FRMD4A: variants seen among roughly 807,000 people sequenced by gnomAD.
The protein encoded by FRMD4A is FERM domain-containing protein 4A.
Under a neutral mutation model 129.1 loss-of-function variants are expected in FRMD4A, and 29 were observed. That is an observed-to-expected ratio of 0.22 (90% CI 0.17 to 0.31). The LOEUF is 0.31. FRMD4A is among the 10% of genes least tolerant of loss of function. The probability of loss-of-function intolerance (pLI) is 1.00; values close to 1 mark genes in which losing one functional copy is unlikely to be tolerated. For missense variants in FRMD4A, 1,272 were observed against 1,375.8 expected, an observed-to-expected ratio of 0.92 and a Z score of 1.19; for synonymous variants, 634 against 571.6, an observed-to-expected ratio of 1.11 and a Z score of -1.56.
At chr10:13,684,827 G>C in intron 15 of FRMD4A, 1 of 979,282 alleles carries the variant, frequency 1.0e-6, no homozygotes, top group Non-Finnish European at 1.2e-6. Flanking sequence ...GGTTGTTCTA[G>C]AACTAAAGAA....
chr10:13,950,220 G>A (rs1197841615), intron 2 of FRMD4A, among the ~76,000 whole-genome samples: 1 of 152,002 alleles, frequency 6.6e-6, no homozygotes, highest in African/African-American at 2.4e-5. Context: ...GGCAGGCGGA[G>A]GCAAAAAAAG....
In FRMD4A at chr10:13,756,234, T is replaced by A. The variant is rs558815788; in HGVS notation, c.464+5413A>T. 3.9e-5 allele frequency: 6 copies of A among 152,374 alleles called. No individual in the cohort carries two copies. In the East Asian group the frequency reaches 1.2e-3, roughly 29 times the overall value. 9.4% of individuals were successfully genotyped at this position (152,374 alleles called of 1,614,324 possible). A position where few individuals can be genotyped will look rare whatever the true frequency, so the allele number is the denominator to read the frequency against. On this transcript the variant is annotated intron_variant, in intron 8 of 24. Transcript: ENST00000357447. ...CTATAGAACAGATGTTTTTTACTTGTCTCTGTTAATGTATGGACGATTCTT... is the reference window on the plus strand; with the variant it reads ...CTATAGAACAGATGTTTTTTACTTGACTCTGTTAATGTATGGACGATTCTT...
At chr10:14,315,484 T>G (rs561111636) in intron 2 of FRMD4A, among the ~76,000 whole-genome samples, 149 of 152,328 alleles carry the variant, frequency 9.8e-4, no homozygotes, top group Middle Eastern at 6.8e-3. Flanking sequence ...AACTGCTGAT[T>G]TCACCTAATC....
chr10:13,797,017 G>C (rs2093134793), intron 4 of FRMD4A, among the ~76,000 whole-genome samples: 1 of 152,120 alleles, frequency 6.6e-6, no homozygotes, highest in South Asian at 2.1e-4. Flanking sequence ...ACTGTGCCCG[G>C]CCACCTTCAC....
intron 2 of FRMD4A, among the ~76,000 whole-genome samples, chr10:14,189,143 C>T (rs760467654): frequency 2.2e-4 from 34 of 152,154 alleles, no homozygotes; most frequent in Non-Finnish European, 4.1e-4. Flanking sequence ...TAACATCTCG[C>T]GTCAGTGATG....
intron 8 of FRMD4A, among the ~76,000 whole-genome samples, chr10:13,750,837 C>T (rs1478682762): frequency 6.6e-6 from 1 of 152,154 alleles, no homozygotes; most frequent in Non-Finnish European, 1.5e-5. Context: ...AACTCAATTC[C>T]AATCCCAAGT....
rs895435887 is a variant in FRMD4A at position 13,662,347 on chromosome 10, A to G, written c.1660+1106T>C. Among the ~76,000 whole-genome samples, 9 of 152,302 alleles carry G rather than the reference A, an allele frequency of 5.9e-5. No homozygotes were observed. In the South Asian group the frequency reaches 6.2e-4, roughly 11 times the overall value. On this transcript the variant is annotated intron_variant, in intron 19 of 24. Transcript: ENST00000357447. ...TTTCCTCACATCAAGAGCAATCATT[A>G]TTATTATTGCAATTATCATTATTAC...
intron 2 of FRMD4A, among the ~76,000 whole-genome samples, chr10:14,154,129 T>G (rs10160091): frequency 0.032 from 4,900 of 152,204 alleles, 95 homozygotes; most frequent in African/African-American, 0.037. Context: ...CCCGATAGGT[T>G]AGGCAGGGAG....
intron 15 of FRMD4A, among the ~76,000 whole-genome samples, chr10:13,680,651 C>G (rs1052855170): frequency 2.6e-5 from 4 of 151,900 alleles, no homozygotes; most frequent in Non-Finnish European, 5.9e-5. Context: ...GCTTGAACCT[C>G]GGAGGCGGAG....
intron 2 of FRMD4A, among the ~76,000 whole-genome samples, chr10:13,915,827 C>G (rs952334455): frequency 6.6e-6 from 1 of 152,156 alleles, no homozygotes; most frequent in Non-Finnish European, 1.5e-5. Flanking sequence ...CCTGTGCTCC[C>G]GCTGCAGAGG....
At chr10:14,028,203 A>G (rs1405548000) in intron 2 of FRMD4A, among the ~76,000 whole-genome samples, 1 of 152,220 alleles carries the variant, frequency 6.6e-6, no homozygotes, top group Non-Finnish European at 1.5e-5. Context: ...TTGTTCATTC[A>G]TTAATGCACC....
At chr10:13,858,677 C>T (rs570662818) in intron 3 of FRMD4A, among the ~76,000 whole-genome samples, 170 bp downstream of exon 3, 3 of 152,242 alleles carry the variant, frequency 2.0e-5, no homozygotes, top group Non-Finnish European at 2.9e-5. Context: ...CAGATACAAC[C>T]AAAATAGCAC....
chr10:14,124,725 A>G (rs1219874985), intron 2 of FRMD4A, among the ~76,000 whole-genome samples: 1 of 152,184 alleles, frequency 6.6e-6, no homozygotes, highest in Admixed American at 6.5e-5. Flanking sequence ...TAAGAATATA[A>G]GTGGCTCAAT....
chr10:13,645,928 A>G lies in FRMD4A; in HGVS notation c.*1110T>C, dbSNP rs1384180168. On this transcript the variant is annotated 3_prime_UTR_variant, in exon 25 of 25. Transcript: ENST00000357447. ...GGATACGCTTTTACTGGTTGGTTTAATGAGAGAGAACCACTTTTGGCCATT... is the reference window on the plus strand; with the variant it reads ...GGATACGCTTTTACTGGTTGGTTTAGTGAGAGAGAACCACTTTTGGCCATT... The G allele has an allele frequency of 6.6e-6, 1 of 152,660 alleles. No individual in the cohort carries two copies. Among genetic ancestry groups the G allele is most frequent in the Non-Finnish European group, 1.5e-5 (1 of 68,054 alleles). The allele number at this position is 152,660 out of a possible 1,614,324, so 9.5% of individuals were successfully genotyped here.
chr10:13,902,481 G>GAGAGAGAGAGAGAGAGAGAGAGAGAC, intron 2 of FRMD4A, among the ~76,000 whole-genome samples: 1 of 151,576 alleles, frequency 6.6e-6, no homozygotes, highest in African/African-American at 2.4e-5. Context: ...GAGAGAGAGA[G>GAGAGAGAGAGAGAGAGAGAGAGAGAC]AGAGAGAGAG....
intron 2 of FRMD4A, among the ~76,000 whole-genome samples, chr10:14,066,949 C>A (rs978699028): frequency 2.0e-4 from 30 of 152,194 alleles, no homozygotes; most frequent in African/African-American, 7.2e-4. Context: ...ATTTAACCTT[C>A]TATCCTTCAA....
chr10:13,970,475 T>C (rs750121145), intron 2 of FRMD4A, among the ~76,000 whole-genome samples: 3 of 152,074 alleles, frequency 2.0e-5, no homozygotes, highest in Non-Finnish European at 2.9e-5. Context: ...TGCGTTTTAT[T>C]AAGGAATTAT....
intron 2 of FRMD4A, among the ~76,000 whole-genome samples, chr10:14,212,735 C>A (rs2131958325): frequency 6.6e-6 from 1 of 152,376 alleles, no homozygotes; most frequent in East Asian, 1.9e-4. Context: ...TTGGAATGAA[C>A]TGCTTAGCAC....
chr10:13,788,906 G>C (rs1348900943), intron 5 of FRMD4A, among the ~76,000 whole-genome samples: 2 of 152,216 alleles, frequency 1.3e-5, no homozygotes, highest in East Asian at 1.9e-4. Flanking sequence ...GGCCCAGCCA[G>C]ATGACATCAG....
Sources: allele counts gnomAD v4.1 joint callset (sites outside exome capture counted in the v4.1 genomes callset), GRCh38; gene constraint gnomAD v4.1.1; transcripts MANE v1.5; gene names NCBI Gene and HGNC (gene_info 2026-07-23, HGNC 2026-07-21).